SUN1: variants seen among roughly 807,000 people sequenced by gnomAD.
SUN1 encodes Sad1 and UNC84 domain containing 1.
A neutral mutation model predicts 103.2 loss-of-function variants in SUN1; 61 were observed. That is an observed-to-expected ratio of 0.59 (90% CI 0.48 to 0.73). The LOEUF (loss-of-function observed/expected upper bound fraction) is 0.73, where lower values mean the gene tolerates loss of function less well. Ranked by LOEUF, SUN1 falls within the 30% of genes least tolerant of loss-of-function variation. The pLI, the probability that SUN1 is intolerant of heterozygous loss-of-function variation, is 0.00. For missense variants in SUN1, 1,052 were observed against 1,034.6 expected, an observed-to-expected ratio of 1.02 and a Z score of -0.23; for synonymous variants, 490 against 425.7, an observed-to-expected ratio of 1.15 and a Z score of -1.86.
At position 843,472 on chromosome 7, in the gene SUN1, G is replaced by C. The variant is rs17851051; in HGVS notation, c.610G>C (p.Ala204Pro). ...RKDVLTAHPA[A>P]PGPVSRVYSR... ...GGACGTGCTCACGGCGCACCCCGCG[G>C]CCCCCGGGCCCGTGTCGAGAGTTTA... Residue 204 changes from alanine to proline, a missense_variant, in exon 5 of 19, where the codon GCC becomes CCC. By Grantham distance (27) the Ala-to-Pro change is conservative (BLOSUM62 -1). Around this residue, in one of 2 missense-constraint regions of SUN1, gnomAD observed 846 missense variants for 774.5 expected, o/e 1.09. Coordinates refer to ENST00000401592, the MANE Select transcript of SUN1 (RefSeq NM_001130965.3). The C allele has an allele frequency of 6.2e-7, 1 of 1,614,072 alleles. No homozygotes were observed. The highest frequency in any genetic ancestry group is 8.5e-7 in the Non-Finnish European group (1 of 1,179,936).
intron 11 of SUN1, among the ~76,000 whole-genome samples, chr7:855,487 G>A (rs1826257223): frequency 6.6e-6 from 1 of 152,274 alleles, no homozygotes. Context: ...GGGGAGTCGG[G>A]TCGGGCTCAG....
At chr7:866,523 C>T (rs374946196) in intron 16 of SUN1, among the ~76,000 whole-genome samples, 1 of 146,012 alleles carries the variant, frequency 6.8e-6, no homozygotes, top group Non-Finnish European at 1.5e-5. Flanking sequence ...CCCGTCTCCC[C>T]GGGCCTTCTC....
intron 1 of SUN1, among the ~76,000 whole-genome samples, chr7:825,143 C>A (rs905558205): frequency 3.3e-5 from 5 of 152,072 alleles, no homozygotes; most frequent in African/African-American, 7.2e-5. Context: ...ACTGCAAGCT[C>A]CACCTCCCGG....
upstream of SUN1, chr7:816,592 G>C (rs1338160329): frequency 2.5e-5 from 10 of 396,800 alleles, no homozygotes; most frequent in African/African-American, 2.2e-4. Flanking sequence ...CCGGGGCGCG[G>C]CCCGCGATTG....
At position 870,579 on chromosome 7, in the gene SUN1, C is replaced by T. The variant is rs113484286; in HGVS notation, c.2148+1063C>T. 2.9e-3 allele frequency among the ~76,000 whole-genome samples: 436 copies of T among 152,192 alleles called. 4 individuals carry two copies. Among genetic ancestry groups the T allele is most frequent in the African/African-American group, 0.01 (416 of 41,528 alleles). On this transcript the variant is annotated intron_variant, in intron 17 of 18. Transcript: ENST00000401592. The stretch of plus-strand genomic sequence containing the variant: ...CCAGCCTGGGCAACAGAGCAAGACT[C>T]TGTCTCAAAAAAGGAAAGGAAAAAA...
chr7:850,527 A>C (rs916719516), intron 5 of SUN1: 1 of 156,298 alleles, frequency 6.4e-6, no homozygotes, highest in Non-Finnish European at 1.4e-5. Context: ...TAATGAATAA[A>C]CATAAAGCCA....
At chr7:840,921 A>G (rs1809071516) in intron 2 of SUN1, among the ~76,000 whole-genome samples, 1 of 151,432 alleles carries the variant, frequency 6.6e-6, no homozygotes. Context: ...GATTACAGGC[A>G]TGAGCCACTG....
chr7:832,092 G>T (rs748821596), upstream of SUN1: 6 of 996,964 alleles, frequency 6.0e-6, no homozygotes, highest in Non-Finnish European at 2.4e-6. Context: ...GCTTGACCAC[G>T]CTGTAGCAGG....
At chr7:817,342 G>C (rs1016186206) in intron 1 of SUN1, 3 of 1,388,858 alleles carry the variant, frequency 2.2e-6, no homozygotes, top group Non-Finnish European at 3.0e-6. Context: ...CCTCGCCCCA[G>C]CCTGCCTGGA....
upstream of SUN1, chr7:815,798 C>A: frequency 4.5e-6 from 1 of 221,064 alleles, no homozygotes; most frequent in Non-Finnish European, 9.3e-6. Flanking sequence ...CAGAAGGGCG[C>A]CTGGGGAGGA....
chr7:857,154 C>T (rs1376787158), intron 12 of SUN1, among the ~76,000 whole-genome samples: 5 of 152,188 alleles, frequency 3.3e-5, no homozygotes, highest in Non-Finnish European at 7.4e-5. Flanking sequence ...CCACAGCCCT[C>T]CCCGCCTGTA....
intron 9 of SUN1, 83 bp from the exon 10 acceptor site, chr7:853,326 G>A (rs1824000311): frequency 1.6e-5 from 24 of 1,511,660 alleles, no homozygotes; most frequent in Non-Finnish European, 2.2e-5. Context: ...GCGTCTTGCT[G>A]TAGGACACTG....
chr7:828,017 C>A (rs751840975), upstream of SUN1, among the ~76,000 whole-genome samples: 3 of 151,904 alleles, frequency 2.0e-5, no homozygotes, highest in Non-Finnish European at 2.9e-5. Context: ...GATTCTCGTG[C>A]CTCAGCCTCC....
At chr7:858,360 A>G (rs1829423913) in intron 13 of SUN1, among the ~76,000 whole-genome samples, 1 of 150,764 alleles carries the variant, frequency 6.6e-6, no homozygotes, top group African/African-American at 2.4e-5. Flanking sequence ...TGCCTGGCCT[A>G]AGTTGTTTAA....
At chr7:824,687 A>G (rs1033055247) in intron 1 of SUN1, among the ~76,000 whole-genome samples, 16 of 152,176 alleles carry the variant, frequency 1.1e-4, no homozygotes, top group African/African-American at 3.6e-4. Context: ...GTTTTCTTTG[A>G]CACTCAGCTG....
intron 1 of SUN1, among the ~76,000 whole-genome samples, chr7:818,465 C>T (rs143956600): frequency 1.5e-3 from 223 of 152,296 alleles, no homozygotes; most frequent in African/African-American, 5.0e-3. Context: ...GCTGTTTGCA[C>T]CTGTTGGCTA....
At chr7:832,241 C>A, upstream of SUN1, 2 of 578,926 alleles carry the variant, frequency 3.5e-6, no homozygotes, top group Non-Finnish European at 5.2e-6. Context: ...CCTGGTTTCA[C>A]GAGTCAGCCA....
intron 3 of SUN1, 111 bp downstream of exon 3, chr7:842,241 A>T: frequency 8.5e-7 from 1 of 1,169,878 alleles, no homozygotes; most frequent in Non-Finnish European, 1.2e-6. Context: ...GGATTATGCT[A>T]GGGAGAGGGA....
chr7:849,451 A>G, intron 5 of SUN1: 1 of 1,184,306 alleles, frequency 8.4e-7, no homozygotes, highest in Non-Finnish European at 1.1e-6. Flanking sequence ...TGTTGACTTC[A>G]TCAGGGTGCG....
Sources: gnomAD v4.1 joint callset for allele counts (sites outside exome capture counted in the v4.1 genomes callset) on GRCh38, gnomAD v4.1.1 for gene constraint, gnomAD v4.1.1 regional missense constraint, MANE v1.5 for transcripts, NCBI Gene and HGNC (gene_info 2026-07-23, HGNC 2026-07-21) for gene names.